The following GSAP variants were observed in gnomAD, a reference collection of about 807,000 sequenced individuals.
The protein encoded by GSAP is gamma-secretase-activating protein.
A neutral mutation model predicts 131.7 loss-of-function variants in GSAP; 118 were observed. The ratio of observed to expected loss-of-function variants is 0.90; its 90% CI spans 0.77 to 1.04. The LOEUF (loss-of-function observed/expected upper bound fraction) is 1.04, where lower values mean the gene tolerates loss of function less well. GSAP is among the 50% of genes least tolerant of loss of function. The pLI, the probability that GSAP is intolerant of heterozygous loss-of-function variation, is 0.00. For synonymous variants in GSAP, 381 were observed against 363.4 expected (o/e 1.05, Z -0.55); for missense variants, 1,019 against 1,013.2 (o/e 1.01, Z -0.08).
chr7:77,366,072 C>T (rs1297661651), intron 12 of GSAP, among the ~76,000 whole-genome samples: 1 of 151,818 alleles, frequency 6.6e-6, no homozygotes, highest in Non-Finnish European at 1.5e-5. Context: ...TGTCCTTTGC[C>T]CACTTTTTAA....
At chr7:77,372,781 A>G (rs1180394407) in intron 12 of GSAP, among the ~76,000 whole-genome samples, 1 of 152,246 alleles carries the variant, frequency 6.6e-6, no homozygotes, top group East Asian at 1.9e-4. Context: ...CTCTTAGGAT[A>G]AAGTCTAAAA....
chr7:77,397,836 T>C (rs1036755865), intron 3 of GSAP, among the ~76,000 whole-genome samples: 4 of 152,208 alleles, frequency 2.6e-5, no homozygotes, highest in African/African-American at 9.6e-5. Context: ...ATGAAGCACT[T>C]AGTGCAATAA....
In GSAP at chr7:77,325,593, C is replaced by T. The variant is rs368190496; in HGVS notation, c.1827+619G>A. Among the ~76,000 whole-genome samples the T allele has an allele frequency of 8.5e-5, 13 of 152,282 alleles. No individual in the cohort carries two copies. The East Asian group carries it at 1.2e-3, about 14-fold the overall frequency. ...TGTTGTTTTGTGTTGTTTTCTGAGA[C>T]GGAGTCTCCCTCTGTCGCCCAGGAT... is the stretch of plus-strand genomic sequence containing the variant. On this transcript the variant is annotated intron_variant, in intron 23 of 30. Coordinates refer to ENST00000257626, the MANE Select transcript of GSAP (RefSeq NM_017439.4).
chr7:77,393,323 T>C (rs1799867033), intron 5 of GSAP, among the ~76,000 whole-genome samples: 2 of 152,196 alleles, frequency 1.3e-5, no homozygotes, highest in Admixed American at 1.3e-4. Context: ...GGTTACATCA[T>C]CTGAAATCTT....
chr7:77,414,844 CTTTTTTTTTTTTTTTTTTTTTTTTT>C (rs57095326), intron 1 of GSAP, among the ~76,000 whole-genome samples: 1 of 59,858 alleles, frequency 1.7e-5, no homozygotes, highest in East Asian at 6.9e-4. Context: ...ATGTGGGCGA[CTTTTTTTTTTTTTTTTTTTTTTTTT>C]TTTTTTGAGA....
intron 30 of GSAP, 177 bp from the exon 31 acceptor site, chr7:77,311,626 G>T: frequency 1.7e-6 from 1 of 589,170 alleles, no homozygotes; most frequent in Non-Finnish European, 3.0e-6. Flanking sequence ...CAACCAAATG[G>T]GCTTTAAACC....
intron 10 of GSAP, among the ~76,000 whole-genome samples, chr7:77,375,512 T>A (rs968956852): frequency 6.6e-6 from 1 of 152,168 alleles, no homozygotes; most frequent in African/African-American, 2.4e-5. Flanking sequence ...ATTCTTGCAA[T>A]GGCATAACAA....
intron 14 of GSAP, among the ~76,000 whole-genome samples, chr7:77,358,584 C>A (rs1794089900): frequency 6.6e-6 from 1 of 152,082 alleles, no homozygotes; most frequent in African/African-American, 2.4e-5. Flanking sequence ...AACATTTAGA[C>A]TGAAGTTTTA....
At chr7:77,349,169 C>G (rs1792387918) in intron 19 of GSAP, among the ~76,000 whole-genome samples, 182 bp downstream of exon 19, 2 of 152,116 alleles carry the variant, frequency 1.3e-5, no homozygotes, top group African/African-American at 4.8e-5. Flanking sequence ...CTGAGAATTG[C>G]CATAATACCA....
intron 22 of GSAP, chr7:77,327,167 A>G (rs1788435855): frequency 6.6e-6 from 1 of 152,240 alleles, no homozygotes; most frequent in Non-Finnish European, 1.5e-5. Context: ...GGGAACTAGT[A>G]TACGCAAAGC....
intron 12 of GSAP, among the ~76,000 whole-genome samples, chr7:77,366,629 T>C (rs1795363926): frequency 6.6e-6 from 1 of 152,242 alleles, no homozygotes; most frequent in Non-Finnish European, 1.5e-5. Flanking sequence ...TTTTGGTTAC[T>C]GTAGCCCTGT....
At chr7:77,347,875 A>G (rs1792141294) in intron 19 of GSAP, among the ~76,000 whole-genome samples, 1 of 151,932 alleles carries the variant, frequency 6.6e-6, no homozygotes, top group Non-Finnish European at 1.5e-5. Flanking sequence ...ATTATGGTCC[A>G]TCATGGTGGT....
rs558342647 is a variant in GSAP at position 77,323,824 on chromosome 7, C to T, written c.1828-82G>A. 926 of 571,916 alleles carry T rather than the reference C, an allele frequency of 1.6e-3. 1 individual carries two copies. Among genetic ancestry groups the T allele is most frequent in the Admixed American group, 3.0e-3 (85 of 28,366 alleles). 35.4% of individuals were successfully genotyped at this position (571,916 alleles called of 1,614,324 possible). ...GGTTTGAATTAGATCCACTTATTAA[C>T]ATTCTTCATCAATATAAAAAATACT... On this transcript the variant is annotated intron_variant, in intron 23 of 30. Coordinates refer to ENST00000257626, the MANE Select transcript of GSAP (RefSeq NM_017439.4).
At chr7:77,320,931 T>C in intron 25 of GSAP, 112 bp from the exon 26 acceptor site, 1 of 686,640 alleles carries the variant, frequency 1.5e-6, no homozygotes, top group Non-Finnish European at 2.6e-6. Flanking sequence ...AATCATGAAA[T>C]GCTATGCCTT....
At chr7:77,356,561 T>C (rs1420344757) in intron 14 of GSAP, among the ~76,000 whole-genome samples, 4 of 152,354 alleles carry the variant, frequency 2.6e-5, no homozygotes, top group Admixed American at 1.3e-4. Context: ...TGTGAAGTAC[T>C]AATTTATTTC....
In GSAP at chr7:77,377,313, T is replaced by C. The variant is rs774723192; in HGVS notation, c.654A>G (p.Glu218=). The change falls in exon 9 of 31, where the codon GAA becomes GAG. Residue 218 remains glutamate, a synonymous_variant. Transcript: ENST00000257626. ...DFVWAQWDMS[E]QRLYYIDLKK... is the part of the protein sequence containing the mutation. ...TCAGGTCAATGTAATATAATCTCTG[T>C]TCTGACATATCCCACTGAGCCCAAA... 5.7e-6 allele frequency: 9 copies of C among 1,572,264 alleles called. No individual in the cohort carries two copies. The highest frequency in any genetic ancestry group is 7.7e-6 in the Non-Finnish European group (9 of 1,162,816).
At chr7:77,361,681 G>A (rs944695770) in intron 13 of GSAP, among the ~76,000 whole-genome samples, 3 of 152,040 alleles carry the variant, frequency 2.0e-5, no homozygotes, top group South Asian at 2.1e-4. Context: ...TACACCCATA[G>A]TATATACTGC....
intron 19 of GSAP, among the ~76,000 whole-genome samples, chr7:77,336,018 A>T (rs533948381): frequency 2.5e-4 from 38 of 152,360 alleles, no homozygotes; most frequent in Admixed American, 1.4e-3. Flanking sequence ...ACACAGGGCA[A>T]ATGACCAGAA....
At chr7:77,411,714 C>T (rs1803316989) in intron 1 of GSAP, among the ~76,000 whole-genome samples, 1 of 152,104 alleles carries the variant, frequency 6.6e-6, no homozygotes, top group East Asian at 1.9e-4. Context: ...AGAGGCAATA[C>T]AACTAAAGGA....
Sources: gnomAD v4.1 joint callset for allele counts (sites outside exome capture counted in the v4.1 genomes callset) on GRCh38, gnomAD v4.1.1 for gene constraint, MANE v1.5 for transcripts, NCBI Gene and HGNC (gene_info 2026-07-23, HGNC 2026-07-21) for gene names.